DHRSX: variants seen among roughly 807,000 people sequenced by gnomAD.
DHRSX encodes the protein polyprenol dehydrogenase.
A neutral mutation model predicts 34.0 loss-of-function variants in DHRSX; 31 were observed. That is an observed-to-expected ratio of 0.91 (90% CI 0.69 to 1.23). The LOEUF (loss-of-function observed/expected upper bound fraction) is 1.23. DHRSX is among the 50% of genes most tolerant of loss of function. DHRSX has a pLI of 0.00. For missense variants in DHRSX, 414 were observed against 428.1 expected (o/e 0.97, Z 0.29); for synonymous variants, 201 against 183.8 (o/e 1.09, Z -0.76).
intron 1 of DHRSX, among the ~76,000 whole-genome samples, chrX:2,482,336 C>T (rs1284323528): frequency 2.0e-5 from 3 of 151,952 alleles, no homozygotes; most frequent in Non-Finnish European, 2.9e-5. Flanking sequence ...AGTATGTTGA[C>T]CAGGCTGGTC....
intron 3 of DHRSX, among the ~76,000 whole-genome samples, chrX:2,317,861 T>C (rs2042259487): frequency 6.6e-6 from 1 of 152,170 alleles, no homozygotes; most frequent in Non-Finnish European, 1.5e-5. Flanking sequence ...AGATCATTTC[T>C]AGTCTTATCT....
At chrX:2,323,526 G>A (rs914422881) in intron 3 of DHRSX, among the ~76,000 whole-genome samples, 11 of 152,114 alleles carry the variant, frequency 7.2e-5, no homozygotes, top group African/African-American at 2.7e-4. Context: ...ACTTTAAGAG[G>A]CCCAGGTGAG....
intron 1 of DHRSX, among the ~76,000 whole-genome samples, chrX:2,471,411 T>C (rs2044590429): frequency 6.6e-6 from 1 of 151,824 alleles, no homozygotes; most frequent in African/African-American, 2.4e-5. Flanking sequence ...TACTAAAAAT[T>C]CAAAAATTAG....
intron 5 of DHRSX, among the ~76,000 whole-genome samples, chrX:2,243,800 T>TG (rs1314508105): frequency 1.2e-5 from 1 of 80,600 alleles, no homozygotes; most frequent in African/African-American, 4.6e-5. Context: ...TTTTTTTTTT[T>TG]TTTTTTTTTT....
At chrX:2,390,012 C>A (rs1278549877) in intron 3 of DHRSX, among the ~76,000 whole-genome samples, 1 of 152,066 alleles carries the variant, frequency 6.6e-6, no homozygotes, top group African/African-American at 2.4e-5. Flanking sequence ...AACTCCCGAC[C>A]TCAAGTGATC....
intron 5 of DHRSX, among the ~76,000 whole-genome samples, chrX:2,247,481 C>T (rs1310512191): frequency 2.0e-5 from 3 of 151,170 alleles, no homozygotes; most frequent in Non-Finnish European, 4.4e-5. Context: ...GGTGAAACCT[C>T]GTCTCTACTA....
intron 6 of DHRSX, 40 bp from the exon 7 acceptor site, chrX:2,221,269 T>A: frequency 6.3e-7 from 1 of 1,594,858 alleles, no homozygotes; most frequent in Non-Finnish European, 8.6e-7. Flanking sequence ...GAGTCAAATT[T>A]CTGAGCAGGA....
chrX:2,315,161 TA>T (rs113630318), intron 3 of DHRSX, among the ~76,000 whole-genome samples: 38,869 of 137,396 alleles, frequency 0.28, 5,654 homozygotes, highest in African/African-American at 0.41. Context: ...TCCGTTTCAA[TA>T]AAAAAAAAAA....
chrX:2,357,070 C>T (rs1411163702), intron 3 of DHRSX, among the ~76,000 whole-genome samples: 2 of 152,000 alleles, frequency 1.3e-5, no homozygotes, highest in African/African-American at 4.8e-5. Context: ...ATGGTAAAAC[C>T]CCGTCTCTAC....
intron 1 of DHRSX, among the ~76,000 whole-genome samples, chrX:2,455,411 G>A (rs905415150): frequency 3.3e-5 from 5 of 151,062 alleles, no homozygotes; most frequent in Non-Finnish European, 4.4e-5. Flanking sequence ...CAATTTACCC[G>A]TGTAACGAAC....
chrX:2,461,758 G>T (rs2044405429), intron 1 of DHRSX, among the ~76,000 whole-genome samples: 1 of 152,000 alleles, frequency 6.6e-6, no homozygotes, highest in Admixed American at 6.6e-5. Flanking sequence ...GGTTTCCCAG[G>T]CTGTGATCAC....
intron 1 of DHRSX, chrX:2,490,161 C>T (rs1368276657): frequency 6.2e-7 from 1 of 1,613,996 alleles, no homozygotes; most frequent in Non-Finnish European, 8.5e-7. Flanking sequence ...TCGGCCAGCT[C>T]CTTCAGGATC....
rs189764272 is a variant in DHRSX at position 2,320,705 on chromosome X, G to A, written c.287-29102C>T. ...GGCAATGCTTACTCTGACTTTTGAC[G>A]TTTTCAAGTGTACAGTTGAAAGTCA... On this transcript the variant is annotated intron_variant, in intron 3 of 6. Coordinates refer to ENST00000334651, the MANE Select transcript of DHRSX (RefSeq NM_145177.3). Among the ~76,000 whole-genome samples the A allele has an allele frequency of 2.5e-3, 378 of 150,636 alleles. 1 individual carries two copies. Among genetic ancestry groups the A allele is most frequent in the African/African-American group, 7.3e-3 (298 of 40,980 alleles).
intron 6 of DHRSX, among the ~76,000 whole-genome samples, chrX:2,241,706 C>T (rs1159902140): frequency 2.6e-5 from 4 of 152,060 alleles, no homozygotes; most frequent in Non-Finnish European, 5.9e-5. Context: ...GTCCAGAGTT[C>T]GTGACCAGCC....
intron 3 of DHRSX, among the ~76,000 whole-genome samples, chrX:2,302,768 A>G (rs1434045289): frequency 1.3e-5 from 2 of 152,222 alleles, no homozygotes; most frequent in African/African-American, 4.8e-5. Flanking sequence ...AACTTAAAAA[A>G]TAATGACAGT....
At chrX:2,356,713 G>T (rs1422761712) in intron 3 of DHRSX, among the ~76,000 whole-genome samples, 1 of 152,174 alleles carries the variant, frequency 6.6e-6, no homozygotes, top group Non-Finnish European at 1.5e-5. Flanking sequence ...ATGTGAAGAT[G>T]ATGAGGATGA....
chrX:2,400,869 C>T (rs1383883571), intron 3 of DHRSX, among the ~76,000 whole-genome samples: 1 of 152,162 alleles, frequency 6.6e-6, no homozygotes, highest in African/African-American at 2.4e-5. Context: ...TTTTATAGGT[C>T]ATTGGATAGG....
At chrX:2,293,848 C>T (rs1825137948) in intron 3 of DHRSX, among the ~76,000 whole-genome samples, 1 of 152,042 alleles carries the variant, frequency 6.6e-6, no homozygotes, top group African/African-American at 2.4e-5. Context: ...CTGTGCCCCC[C>T]ATGTCTGCAC....
At chrX:2,420,566 A>T (rs2043766594) in intron 2 of DHRSX, among the ~76,000 whole-genome samples, 1 of 151,658 alleles carries the variant, frequency 6.6e-6, no homozygotes, top group African/African-American at 2.4e-5. Flanking sequence ...AACATGGTGA[A>T]ACCCCGTCTC....
Sources: gnomAD v4.1 joint callset for allele counts (sites outside exome capture counted in the v4.1 genomes callset) on GRCh38, gnomAD v4.1.1 for gene constraint, MANE v1.5 for transcripts, NCBI Gene and HGNC (gene_info 2026-07-23, HGNC 2026-07-21) for gene names.